The following ESR1 variants were observed in gnomAD, a reference collection of about 807,000 sequenced individuals.
ESR1 encodes the protein estrogen receptor.
A neutral mutation model predicts 52.7 loss-of-function variants in ESR1; 12 were observed. That is an observed-to-expected ratio of 0.23 (90% CI 0.15 to 0.37). The LOEUF (loss-of-function observed/expected upper bound fraction) is 0.37. ESR1 is among the 10% of genes least tolerant of loss of function. The pLI is 1.00. For missense variants in ESR1, 584 were observed against 779.7 expected, an observed-to-expected ratio of 0.75 and a Z score of 2.99; for synonymous variants, 305 against 316.8, an observed-to-expected ratio of 0.96 and a Z score of 0.39.
In ESR1 at chr6:151,985,532, A is replaced by AAC. The variant is rs1562633023; in HGVS notation, c.1097-26120_1097-26119dup. On this transcript the variant is annotated intron_variant, in intron 4 of 7. Transcript: ENST00000206249. The stretch of plus-strand genomic sequence containing the variant: ...CAAAAAAAAAAAAAAAAAAAAAAAA[A>AAC]ACACAAACAAAAAAAAAAAAGAAAA... Among the ~76,000 whole-genome samples, 17 of 120,066 alleles carry AAC rather than the reference A, an allele frequency of 1.4e-4. 1 individual carries two copies. Among genetic ancestry groups the AAC allele is most frequent in the African/African-American group, 5.1e-4 (16 of 31,582 alleles). The allele number at this position is 120,066 out of a possible 152,430, so 78.8% of individuals were successfully genotyped here.
intron 5 of ESR1, among the ~76,000 whole-genome samples, chr6:152,027,589 TA>T (rs145600314): frequency 0.091 from 13,856 of 152,214 alleles, 649 homozygotes; most frequent in Middle Eastern, 0.14. Flanking sequence ...CAAGTATTTT[TA>T]AGTGATTGCT....
intron 4 of ESR1, among the ~76,000 whole-genome samples, chr6:151,957,038 G>A (rs535720019): frequency 8.2e-5 from 8 of 97,370 alleles, no homozygotes; most frequent in Admixed American, 2.0e-4. Flanking sequence ...CACCACGCCC[G>A]GCTAATTTTT....
At chr6:151,971,870 G>A (rs77094839) in intron 4 of ESR1, among the ~76,000 whole-genome samples, 1 of 152,034 alleles carries the variant, frequency 6.6e-6, no homozygotes, top group African/African-American at 2.4e-5. Context: ...GAAACAAAAG[G>A]CTGTTTTTTT....
At chr6:152,000,221 T>C (rs772827539) in intron 4 of ESR1, among the ~76,000 whole-genome samples, 5 of 151,984 alleles carry the variant, frequency 3.3e-5, no homozygotes, top group Non-Finnish European at 7.4e-5. Context: ...GAACAATTCG[T>C]TCATTCATTC....
chr6:152,093,289 A>C (rs928032417), intron 6 of ESR1, among the ~76,000 whole-genome samples: 4 of 151,674 alleles, frequency 2.6e-5, no homozygotes, highest in South Asian at 2.1e-4. Flanking sequence ...AAAAAACAAA[A>C]AAAAAAAACT....
chr6:151,962,214 C>A (rs2037748540), intron 4 of ESR1, among the ~76,000 whole-genome samples: 1 of 152,110 alleles, frequency 6.6e-6, no homozygotes, highest in South Asian at 2.1e-4. Flanking sequence ...TTGAAACATG[C>A]ACCTAGGTGT....
intron 4 of ESR1, among the ~76,000 whole-genome samples, chr6:151,989,453 C>T (rs952124768): frequency 2.6e-5 from 4 of 151,792 alleles, no homozygotes; most frequent in Admixed American, 2.0e-4. Flanking sequence ...ACCTCTGAAC[C>T]TAAAAAATTA....
intron 6 of ESR1, among the ~76,000 whole-genome samples, chr6:152,079,087 G>A (rs565343212): frequency 3.3e-5 from 5 of 152,312 alleles, no homozygotes; most frequent in African/African-American, 4.8e-5. Flanking sequence ...GACAGCTTCC[G>A]CAGACTTAAA....
At chr6:151,999,969 A>G (rs576091458) in intron 4 of ESR1, among the ~76,000 whole-genome samples, 1 of 152,172 alleles carries the variant, frequency 6.6e-6, no homozygotes, top group African/African-American at 2.4e-5. Flanking sequence ...CAACCTATAA[A>G]TTTTATATGT....
At chr6:151,979,762 A>G (rs2039816010) in intron 4 of ESR1, among the ~76,000 whole-genome samples, 1 of 152,122 alleles carries the variant, frequency 6.6e-6, no homozygotes, top group Admixed American at 6.6e-5. Flanking sequence ...TTTTTTTTAA[A>G]TTAATCTCTT....
intron 1 of ESR1, among the ~76,000 whole-genome samples, chr6:151,819,370 C>T (rs1175555420): frequency 6.6e-6 from 1 of 152,172 alleles, no homozygotes; most frequent in Non-Finnish European, 1.5e-5. Context: ...TGGTTTGGGG[C>T]CTGTTAGGAA....
At chr6:151,857,288 T>A (rs1015482515) in intron 2 of ESR1, among the ~76,000 whole-genome samples, 1 of 152,204 alleles carries the variant, frequency 6.6e-6, no homozygotes, top group Non-Finnish European at 1.5e-5. Context: ...TTAGGTATTA[T>A]AAATAATCTA....
At chr6:152,097,018 T>C (rs948836156) in intron 7 of ESR1, among the ~76,000 whole-genome samples, 1 of 152,176 alleles carries the variant, frequency 6.6e-6, no homozygotes, top group Non-Finnish European at 1.5e-5. Context: ...TTGCACTAAA[T>C]ATACAACCCT....
chr6:152,050,405 A>T (rs535843622), intron 5 of ESR1, among the ~76,000 whole-genome samples: 1 of 152,044 alleles, frequency 6.6e-6, no homozygotes, highest in South Asian at 2.1e-4. Context: ...TTTTACCTCC[A>T]TTTTTTCAGA....
At chr6:151,973,611 T>C (rs2039135262) in intron 4 of ESR1, among the ~76,000 whole-genome samples, 2 of 152,188 alleles carry the variant, frequency 1.3e-5, no homozygotes, top group Admixed American at 1.3e-4. Context: ...GCCCTCTGTC[T>C]ACCCCTTTTC....
Position 152,120,187 on chromosome 6 carries a change from G to A in ESR1, c.851-5079G>A, listed in dbSNP as rs190719661. The stretch of plus-strand genomic sequence containing the variant: ...GTCTCTTTGCGCTTGCCTTTTCCAC[G>A]ATGACACTCTTCATTGTGTGGGATT... On this transcript the variant is annotated intron_variant, in intron 6 of 6. Coordinates refer to the ESR1 transcript ENST00000427531. 3.7e-3 allele frequency among the ~76,000 whole-genome samples: 559 copies of A among 152,314 alleles called. 4 individuals carry two copies. The highest frequency in any genetic ancestry group is 2.9e-3 in the Non-Finnish European group (198 of 68,020).
chr6:151,930,212 T>C (rs2033388339), intron 3 of ESR1, among the ~76,000 whole-genome samples: 1 of 152,136 alleles, frequency 6.6e-6, no homozygotes, highest in Admixed American at 6.6e-5. Context: ...CTTAAACTCC[T>C]GACCTCAGGT....
chr6:151,766,504 TA>T (rs58256469), intron 2 of ESR1, among the ~76,000 whole-genome samples: 32,750 of 150,954 alleles, frequency 0.22, 4,319 homozygotes, highest in East Asian at 0.67. Context: ...AAATAAAAAA[TA>T]AAAAAAAACA....
At chr6:151,792,553 C>T (rs1345709814) in intron 2 of ESR1, among the ~76,000 whole-genome samples, 3 of 152,008 alleles carry the variant, frequency 2.0e-5, no homozygotes, top group Non-Finnish European at 4.4e-5. Context: ...AATCCTCACA[C>T]CTCAGCCTCC....
Sources: allele counts gnomAD v4.1 joint callset (sites outside exome capture counted in the v4.1 genomes callset), GRCh38; gene constraint gnomAD v4.1.1; transcripts MANE v1.5; gene names NCBI Gene and HGNC (gene_info 2026-07-23, HGNC 2026-07-21).